TXLNB: variants seen among roughly 807,000 people sequenced by gnomAD.
The protein encoded by TXLNB is beta-taxilin.
A neutral mutation model predicts 57.4 loss-of-function variants in TXLNB; 37 were observed. The ratio of observed to expected loss-of-function variants is 0.64; its 90% CI spans 0.50 to 0.85. TXLNB has a LOEUF of 0.85. Among genes scored for constraint, TXLNB ranks in the 40% least tolerant of loss-of-function variants. The pLI, the probability that TXLNB is intolerant of heterozygous loss-of-function variation, is 0.00. For missense variants in TXLNB, 848 were observed against 825.6 expected (o/e 1.03, Z -0.33); for synonymous variants, 302 against 309.6 (o/e 0.98, Z 0.26).
the TXLNB span, chr6:139,197,602 A>C: frequency 6.6e-6 from 1 of 152,232 alleles, no homozygotes; most frequent in Non-Finnish European, 1.5e-5. Context: ...TAATCTAGGA[A>C]AGTTATACAG....
chr6:139,268,214 A>C (rs114943570), intron 4 of TXLNB, among the ~76,000 whole-genome samples: 1 of 151,930 alleles, frequency 6.6e-6, no homozygotes, highest in Non-Finnish European at 1.5e-5. Flanking sequence ...TCACCAATTC[A>C]TCAAGAGGAC....
the TXLNB span, among the ~76,000 whole-genome samples, chr6:139,202,912 A>G: frequency 2.0e-5 from 3 of 152,172 alleles, no homozygotes; most frequent in Non-Finnish European, 4.4e-5. Context: ...TTCTATGAGC[A>G]GAACTTTTTA....
chr6:139,198,924 T>C, the TXLNB span, among the ~76,000 whole-genome samples: 2 of 152,162 alleles, frequency 1.3e-5, no homozygotes, highest in Non-Finnish European at 2.9e-5. Context: ...TTCTTTAAAC[T>C]TTGTTTCAGC....
downstream of TXLNB, chr6:139,239,372 CAT>C (rs1562267352): frequency 6.6e-6 from 1 of 152,272 alleles, no homozygotes. This position sits in a 1 kb window ranked among gnomAD's most constrained non-coding sequence, Gnocchi z 4.7. Context: ...TACTGAGAAA[CAT>C]ATCAGCTGGG....
the TXLNB span, among the ~76,000 whole-genome samples, chr6:139,305,821 C>T: frequency 4.0e-4 from 61 of 152,218 alleles, no homozygotes; most frequent in East Asian, 0.011. Context: ...GATCCAGATC[C>T]TCCATCTGTC....
the TXLNB span, among the ~76,000 whole-genome samples, chr6:139,192,826 G>T: frequency 6.6e-6 from 1 of 151,970 alleles, no homozygotes; most frequent in Non-Finnish European, 1.5e-5. Flanking sequence ...AGCTGGGCAT[G>T]GTGGCACACG....
the TXLNB span, among the ~76,000 whole-genome samples, chr6:139,323,575 G>C: frequency 6.6e-6 from 1 of 152,120 alleles, no homozygotes; most frequent in Non-Finnish European, 1.5e-5. Flanking sequence ...GAGCCACCGC[G>C]CCCAGGCTTG....
At chr6:139,192,976 AAAAAAAAAAAAC>A in the TXLNB span, among the ~76,000 whole-genome samples, 2 of 145,408 alleles carry the variant, frequency 1.4e-5, no homozygotes, top group African/African-American at 2.5e-5. Flanking sequence ...AACAAAAAAC[AAAAAAAAAAAAC>A]AACAAAAAAA....
the TXLNB span, among the ~76,000 whole-genome samples, chr6:139,213,466 A>G: frequency 6.6e-6 from 1 of 152,226 alleles, no homozygotes; most frequent in South Asian, 2.1e-4. Flanking sequence ...TCTCTGGGAC[A>G]CATTCAAAGC....
At chr6:139,210,727 C>G in the TXLNB span, among the ~76,000 whole-genome samples, 3 of 152,236 alleles carry the variant, frequency 2.0e-5, no homozygotes, top group Admixed American at 1.3e-4. Context: ...AATTCCCTTT[C>G]CTAGTCAAAG....
At chr6:139,310,389 C>A in the TXLNB span, among the ~76,000 whole-genome samples, 1 of 152,210 alleles carries the variant, frequency 6.6e-6, no homozygotes, top group Admixed American at 6.5e-5. Context: ...TGTGCAACAT[C>A]ACTAATCATA....
chr6:139,322,744 T>C, the TXLNB span, among the ~76,000 whole-genome samples: 1 of 152,184 alleles, frequency 6.6e-6, no homozygotes, highest in Non-Finnish European at 1.5e-5. Flanking sequence ...TATCGATGCC[T>C]CCCCAGCCCA....
At chr6:139,289,437 C>A (rs1777257459) in intron 1 of TXLNB, among the ~76,000 whole-genome samples, 1 of 152,224 alleles carries the variant, frequency 6.6e-6, no homozygotes, top group Admixed American at 6.5e-5. Flanking sequence ...GCTCTTGAGA[C>A]AGGAGTCTTG....
At chr6:139,220,858 G>A in the TXLNB span, among the ~76,000 whole-genome samples, 292 of 152,284 alleles carry the variant, frequency 1.9e-3, no homozygotes, top group African/African-American at 6.6e-3. Context: ...CGAAATCATA[G>A]AGCCCAAATA....
the TXLNB span, among the ~76,000 whole-genome samples, chr6:139,173,497 A>G: frequency 3.7e-3 from 571 of 152,324 alleles, 5 homozygotes; most frequent in Admixed American, 9.7e-3. Flanking sequence ...GAAGACCCAT[A>G]GTCTGACTGA....
the TXLNB span, among the ~76,000 whole-genome samples, chr6:139,199,419 G>A: frequency 1.3e-5 from 2 of 152,144 alleles, no homozygotes; most frequent in Admixed American, 6.5e-5. Context: ...ATCACCCTGG[G>A]TTTGGCCCTG....
intron 4 of TXLNB, among the ~76,000 whole-genome samples, chr6:139,265,891 A>G (rs571867894): frequency 1.3e-5 from 2 of 152,344 alleles, no homozygotes; most frequent in South Asian, 2.1e-4. Context: ...CTGGACAACT[A>G]TAGTCCCTCA....
At chr6:139,308,930 T>G in the TXLNB span, among the ~76,000 whole-genome samples, 15 of 152,246 alleles carry the variant, frequency 9.9e-5, no homozygotes, top group Non-Finnish European at 2.1e-4. Context: ...TTCTTTCTAT[T>G]TCAAACCTTG....
chr6:139,259,981 G>A (rs753912218), intron 6 of TXLNB, among the ~76,000 whole-genome samples: 1 of 152,158 alleles, frequency 6.6e-6, no homozygotes, highest in Non-Finnish European at 1.5e-5. Context: ...CCAGCACTTT[G>A]GGAGGCCGAG....
Sources: gnomAD v4.1 joint callset for allele counts (sites outside exome capture counted in the v4.1 genomes callset) on GRCh38, gnomAD v4.1.1 for gene constraint, Gnocchi (gnomAD v3.1) non-coding constraint, MANE v1.5 for transcripts, NCBI Gene and HGNC (gene_info 2026-07-23, HGNC 2026-07-21) for gene names.